TFEC: variants seen among roughly 807,000 people sequenced by gnomAD.
TFEC encodes the protein transcription factor EC, also known as class E basic helix-loop-helix protein 34.
TFEC carries 31 observed loss-of-function variants against 41.6 expected under a neutral mutation model. That is an observed-to-expected ratio of 0.74 (90% confidence interval 0.56 to 1.01). TFEC has a LOEUF of 1.01. Ranked by LOEUF, TFEC falls within the 50% of genes least tolerant of loss-of-function variation. The probability of loss-of-function intolerance (pLI) is 0.00; values close to 1 mark genes in which losing one functional copy is unlikely to be tolerated. For synonymous variants in TFEC, 143 were observed against 140.6 expected (o/e 1.02, Z -0.12); for missense variants, 402 against 404.1 (o/e 0.99, Z 0.04).
chr7:116,123,915 T>C (rs927600260), intron 1 of TFEC, among the ~76,000 whole-genome samples: 1 of 152,126 alleles, frequency 6.6e-6, no homozygotes, highest in African/African-American at 2.4e-5. Context: ...CTTAGCATGA[T>C]ATTAAACATA....
intron 1 of TFEC, among the ~76,000 whole-genome samples, chr7:115,985,405 T>C (rs183935617): frequency 5.9e-5 from 9 of 152,268 alleles, no homozygotes; most frequent in Admixed American, 1.3e-4. Context: ...ATATTTACTG[T>C]GCTATTCTGT....
At chr7:115,959,947 C>T (rs1409952686) in intron 3 of TFEC, among the ~76,000 whole-genome samples, 1 of 151,204 alleles carries the variant, frequency 6.6e-6, no homozygotes, top group East Asian at 1.9e-4. Flanking sequence ...TTTAAAGTAA[C>T]GGAGACACAT....
chr7:116,139,323 C>A (rs1798494161), intron 1 of TFEC, among the ~76,000 whole-genome samples: 1 of 152,172 alleles, frequency 6.6e-6, no homozygotes, highest in African/African-American at 2.4e-5. Context: ...CCAAGTCTAA[C>A]CAGAGTTGAC....
chr7:116,065,248 C>T (rs1004515697), intron 3 of TFEC, among the ~76,000 whole-genome samples: 41 of 152,038 alleles, frequency 2.7e-4, no homozygotes, highest in African/African-American at 9.7e-4. Flanking sequence ...ACCAAGATTT[C>T]CAATAATTAT....
At chr7:116,096,589 G>GT (rs74375315) in intron 3 of TFEC, among the ~76,000 whole-genome samples, 19,605 of 148,428 alleles carry the variant, frequency 0.13, 1,479 homozygotes, top group African/African-American at 0.21. Flanking sequence ...CTTACTATGC[G>GT]TTTTTTTTTT....
rs1792115552 is a variant in TFEC at position 115,954,528 on chromosome 7, C to T, written c.439+58G>A. 16 of 1,459,890 alleles carry T rather than the reference C, an allele frequency of 1.1e-5. No homozygotes were observed. In the South Asian group the frequency reaches 2.0e-4, roughly 18 times the overall value. The allele number at this position is 1,459,890 out of a possible 1,614,324, so 90.4% of individuals were successfully genotyped here. ...ATGGAGTATAATAAAAGACCACACACCTTAACCTCTATGCATTTCCTTTTG... is the reference window on the plus strand; with the variant it reads ...ATGGAGTATAATAAAAGACCACACATCTTAACCTCTATGCATTTCCTTTTG... On this transcript the variant is annotated intron_variant, in intron 5 of 7. Coordinates refer to ENST00000265440, the MANE Select transcript of TFEC (RefSeq NM_012252.4).
At chr7:115,964,785 G>T (rs1792758043) in intron 3 of TFEC, among the ~76,000 whole-genome samples, 1 of 151,444 alleles carries the variant, frequency 6.6e-6, no homozygotes, top group Non-Finnish European at 1.5e-5. Flanking sequence ...AAGGTAATAA[G>T]GTAAGAGAAG....
chr7:115,950,981 C>T, intron 5 of TFEC, 32 bp from the exon 6 acceptor site: 1 of 1,357,170 alleles, frequency 7.4e-7, no homozygotes, highest in Non-Finnish European at 1.0e-6. Context: ...TGATTATTCT[C>T]ATTAATGCAC....
At chr7:116,018,664 A>G (rs1795283142) in intron 1 of TFEC, among the ~76,000 whole-genome samples, 1 of 152,220 alleles carries the variant, frequency 6.6e-6, no homozygotes, top group South Asian at 2.1e-4. Context: ...AGTTTTTATT[A>G]GATTTTCCCA....
chr7:116,150,807 G>A (rs979232846), intron 1 of TFEC, among the ~76,000 whole-genome samples: 18 of 151,992 alleles, frequency 1.2e-4, no homozygotes, highest in African/African-American at 3.9e-4. Flanking sequence ...GTAGAGTAAG[G>A]GTGATTGGAA....
intron 4 of TFEC, 25 bp from the exon 5 acceptor site, chr7:115,954,667 A>G (rs762107765): frequency 1.2e-6 from 2 of 1,600,732 alleles, no homozygotes; most frequent in Non-Finnish European, 1.7e-6. Context: ...AATAATAAAA[A>G]CCATGCTTAG....
intron 1 of TFEC, among the ~76,000 whole-genome samples, chr7:116,135,473 TCTC>T (rs1464828365): frequency 6.6e-6 from 1 of 152,132 alleles, no homozygotes; most frequent in Non-Finnish European, 1.5e-5. Context: ...GATGACCTCT[TCTC>T]CTCATTAAAA....
At chr7:116,133,232 A>G (rs927274451) in intron 1 of TFEC, among the ~76,000 whole-genome samples, 2 of 142,104 alleles carry the variant, frequency 1.4e-5, no homozygotes, top group Non-Finnish European at 3.0e-5. Context: ...GTTATGTACC[A>G]AACGAAAATA....
intron 2 of TFEC, among the ~76,000 whole-genome samples, chr7:115,983,628 C>T (rs1002596962): frequency 3.9e-5 from 6 of 152,034 alleles, no homozygotes; most frequent in African/African-American, 7.2e-5. Context: ...TCTATTCATA[C>T]TTCAACATTT....
At chr7:116,064,874 G>A (rs1796657352) in intron 3 of TFEC, among the ~76,000 whole-genome samples, 1 of 152,136 alleles carries the variant, frequency 6.6e-6, no homozygotes, top group South Asian at 2.1e-4. Context: ...GATGAGAACT[G>A]AAATGTTCAT....
At chr7:116,155,480 A>G (rs1313862843) in intron 1 of TFEC, among the ~76,000 whole-genome samples, 1 of 152,150 alleles carries the variant, frequency 6.6e-6, no homozygotes. Context: ...TGGCTAACTC[A>G]AAGGTTTTTT....
chr7:116,153,363 C>T (rs562939674), intron 1 of TFEC, among the ~76,000 whole-genome samples: 1 of 152,246 alleles, frequency 6.6e-6, no homozygotes, highest in East Asian at 1.9e-4. Context: ...AAGGGATTCT[C>T]CTGCCTCCGC....
intron 1 of TFEC, among the ~76,000 whole-genome samples, chr7:116,155,879 T>C (rs866085752): frequency 1.3e-5 from 2 of 152,340 alleles, no homozygotes; most frequent in Non-Finnish European, 2.9e-5. Flanking sequence ...ATTTTCTTTT[T>C]CTTTTGTCCC....
intron 3 of TFEC, among the ~76,000 whole-genome samples, chr7:116,048,568 T>A (rs1796229118): frequency 6.6e-6 from 1 of 152,198 alleles, no homozygotes; most frequent in African/African-American, 2.4e-5. Flanking sequence ...CAGGATATTA[T>A]CCAGGAGAAC....
Sources: gnomAD v4.1 joint callset for allele counts (sites outside exome capture counted in the v4.1 genomes callset) on GRCh38, gnomAD v4.1.1 for gene constraint, MANE v1.5 for transcripts, NCBI Gene and HGNC (gene_info 2026-07-23, HGNC 2026-07-21) for gene names.